Variants in KANSL1L observed in about 807,000 individuals in gnomAD.
The protein encoded by KANSL1L is KAT8 regulatory NSL complex subunit 1 like, also known as KAT8 regulatory NSL complex subunit 1-like protein.
KANSL1L carries 25 observed loss-of-function variants against 108.6 expected under a neutral mutation model. The observed-to-expected ratio is 0.23, with a 90% CI of 0.17 to 0.32. The LOEUF is 0.32. Among genes scored for constraint, KANSL1L ranks in the 10% least tolerant of loss-of-function variants. The pLI is 1.00. For synonymous variants in KANSL1L, 405 were observed against 395.1 expected, an observed-to-expected ratio of 1.03 and a Z score of -0.30; for missense variants, 1,137 against 1,125.7, an observed-to-expected ratio of 1.01 and a Z score of -0.14.
At chr2:210,089,103 T>C (rs2094667777) in intron 5 of KANSL1L, 3 of 152,656 alleles carry the variant, frequency 2.0e-5, no homozygotes, top group African/African-American at 7.2e-5. Flanking sequence ...CTGATACATT[T>C]TGGGGAGAAA....
intron 6 of KANSL1L, among the ~76,000 whole-genome samples, chr2:210,065,041 G>A (rs1222113950): frequency 6.6e-6 from 1 of 151,674 alleles, no homozygotes; most frequent in African/African-American, 2.4e-5. Flanking sequence ...GATGGCTTAC[G>A]TCTGTAATCT....
chr2:210,096,114 T>C (rs2094733537), intron 5 of KANSL1L, among the ~76,000 whole-genome samples: 1 of 152,144 alleles, frequency 6.6e-6, no homozygotes, highest in African/African-American at 2.4e-5. Flanking sequence ...CTAATTGACA[T>C]GAGGAAAGAC....
At chr2:210,033,235 G>A (rs531085712) in intron 8 of KANSL1L, among the ~76,000 whole-genome samples, 69 of 152,248 alleles carry the variant, frequency 4.5e-4, no homozygotes, top group Admixed American at 4.5e-3. Flanking sequence ...AACAGCAAAT[G>A]AAAAATCATA....
chr2:210,164,779 G>A (rs1389700311), intron 1 of KANSL1L, among the ~76,000 whole-genome samples: 2 of 150,772 alleles, frequency 1.3e-5, no homozygotes, highest in South Asian at 2.1e-4. Flanking sequence ...TCTTGATTCT[G>A]TCAATAGGTA....
At chr2:210,172,757 A>C (rs992076391), upstream of KANSL1L, among the ~76,000 whole-genome samples, 1 of 152,234 alleles carries the variant, frequency 6.6e-6, no homozygotes, top group Non-Finnish European at 1.5e-5. Context: ...AAAATGAATA[A>C]AGTATTTTTT....
At chr2:210,161,996 G>A (rs765267750) in intron 1 of KANSL1L, among the ~76,000 whole-genome samples, 3 of 150,564 alleles carry the variant, frequency 2.0e-5, no homozygotes, top group Non-Finnish European at 4.4e-5. Context: ...AGGCCAAGGC[G>A]GGAGGATCAC....
intron 1 of KANSL1L, among the ~76,000 whole-genome samples, chr2:210,158,568 A>G (rs2095345630): frequency 6.6e-6 from 1 of 152,172 alleles, no homozygotes; most frequent in African/African-American, 2.4e-5. Context: ...TATACTACAC[A>G]GTAATAAATA....
At chr2:210,158,121 C>T (rs1325762293) in intron 1 of KANSL1L, among the ~76,000 whole-genome samples, 2 of 152,072 alleles carry the variant, frequency 1.3e-5, no homozygotes, top group Admixed American at 1.3e-4. Flanking sequence ...CGTATTCATG[C>T]CCTTGTTTAA....
intron 5 of KANSL1L, among the ~76,000 whole-genome samples, chr2:210,094,133 G>A (rs538494884): frequency 8.4e-4 from 128 of 151,990 alleles, no homozygotes; most frequent in Non-Finnish European, 1.6e-3. Flanking sequence ...AAGATGGATG[G>A]TGATGATGAT....
intron 8 of KANSL1L, chr2:210,032,353 T>C (rs1025387777): frequency 2.0e-5 from 3 of 152,162 alleles, no homozygotes; most frequent in African/African-American, 4.8e-5. Context: ...AAATCCACAT[T>C]TGCAAGCAAA....
intron 5 of KANSL1L, among the ~76,000 whole-genome samples, chr2:210,086,758 T>C (rs1055457357): frequency 3.9e-5 from 6 of 152,172 alleles, no homozygotes; most frequent in East Asian, 3.9e-4. Flanking sequence ...AAAATTAGTA[T>C]ATAGAATGAG....
At chr2:210,136,807 A>T (rs1329116651) in intron 2 of KANSL1L, among the ~76,000 whole-genome samples, 4 of 152,170 alleles carry the variant, frequency 2.6e-5, no homozygotes, top group Non-Finnish European at 2.9e-5. Context: ...AATTAAAACT[A>T]CCTTTATTAA....
At chr2:210,080,265 T>C (rs2094579478) in intron 5 of KANSL1L, 1 of 152,238 alleles carries the variant, frequency 6.6e-6, no homozygotes, top group South Asian at 2.1e-4. Flanking sequence ...GCCTCTTCCA[T>C]AGTTCTCTTG....
At chr2:210,136,469 G>C (rs983290291) in intron 2 of KANSL1L, among the ~76,000 whole-genome samples, 1 of 152,064 alleles carries the variant, frequency 6.6e-6, no homozygotes, top group Non-Finnish European at 1.5e-5. Flanking sequence ...ATTTTTAAAA[G>C]GGAAATACTG....
At chr2:210,092,117 C>T (rs1014901981) in intron 5 of KANSL1L, among the ~76,000 whole-genome samples, 1 of 152,130 alleles carries the variant, frequency 6.6e-6, no homozygotes, top group Admixed American at 6.6e-5. Flanking sequence ...TGTTTTTTCA[C>T]ATTTCCTATA....
chr2:210,098,306 A>G (rs1353705663), intron 4 of KANSL1L, 99 bp from the exon 5 acceptor site: 6 of 1,047,826 alleles, frequency 5.7e-6, no homozygotes, highest in African/African-American at 3.4e-5. Context: ...CTCATGACAC[A>G]CATGTTTTTA....
intron 2 of KANSL1L, among the ~76,000 whole-genome samples, chr2:210,137,881 A>G (rs1008763233): frequency 2.6e-5 from 4 of 152,138 alleles, no homozygotes; most frequent in African/African-American, 9.7e-5. Context: ...AAACAGAAAA[A>G]TTAGCCAGGC....
intron 6 of KANSL1L, among the ~76,000 whole-genome samples, chr2:210,065,233 G>A (rs1239712293): frequency 1.5e-5 from 2 of 132,850 alleles, no homozygotes; most frequent in Non-Finnish European, 3.1e-5. Flanking sequence ...GGAGGTTGCA[G>A]TGAGCCGAGA....
rs563013279 is a variant in KANSL1L, at chr2:210,070,780, T to C, written c.1755+4772A>G. Reference sequence around the variant, plus strand: ...CTTTTAAGGACTAAGAGGAAGACTCTGCTAGGCCTATCCTCTATCTTCTGG... The same window carrying C: ...CTTTTAAGGACTAAGAGGAAGACTCCGCTAGGCCTATCCTCTATCTTCTGG... On this transcript the variant is annotated intron_variant, in intron 6 of 14. Transcript: ENST00000281772. Among the ~76,000 whole-genome samples, 7 of 152,338 alleles carry C rather than the reference T, an allele frequency of 4.6e-5. No individual in the cohort carries two copies. The South Asian group carries it at 1.4e-3, about 32-fold the overall frequency.
Sources: gnomAD v4.1 joint callset for allele counts (sites outside exome capture counted in the v4.1 genomes callset) on GRCh38, gnomAD v4.1.1 for gene constraint, MANE v1.5 for transcripts, NCBI Gene and HGNC (gene_info 2026-07-23, HGNC 2026-07-21) for gene names.